Variants in JAZF1 observed in about 807,000 individuals in gnomAD.
JAZF1 encodes juxtaposed with another zinc finger protein 1.
JAZF1 carries 8 observed loss-of-function variants against 26.4 expected under a neutral mutation model. The observed-to-expected ratio is 0.30, with a 90% CI of 0.18 to 0.55. JAZF1 has a LOEUF of 0.55. Among genes scored for constraint, JAZF1 ranks in the 20% least tolerant of loss-of-function variants. The pLI is 0.94. For synonymous variants in JAZF1, 126 were observed against 122.3 expected, an observed-to-expected ratio of 1.03 and a Z score of -0.20; for missense variants, 199 against 322.0, an observed-to-expected ratio of 0.62 and a Z score of 2.92.
chr7:28,139,977 G>A (rs921115382), intron 1 of JAZF1, among the ~76,000 whole-genome samples: 23 of 152,090 alleles, frequency 1.5e-4, no homozygotes, highest in Non-Finnish European at 2.6e-4. Flanking sequence ...GGAAAGAGAC[G>A]GAGGTTGGGG....
intron 2 of JAZF1, among the ~76,000 whole-genome samples, chr7:27,905,938 T>C (rs1465592997): frequency 6.6e-6 from 1 of 152,250 alleles, no homozygotes; most frequent in Admixed American, 6.5e-5. Context: ...ATCATTACTT[T>C]ATACTTGCAT....
At chr7:28,004,765 G>A (rs1366505909) in intron 1 of JAZF1, among the ~76,000 whole-genome samples, 3 of 152,070 alleles carry the variant, frequency 2.0e-5, no homozygotes, top group Non-Finnish European at 4.4e-5. Flanking sequence ...TGATTCTCGT[G>A]CCTTGGTCTC....
intron 1 of JAZF1, among the ~76,000 whole-genome samples, chr7:28,158,168 A>AACACACACACACAC (rs759047365): frequency 7.0e-6 from 1 of 142,488 alleles, no homozygotes. Flanking sequence ...CACACACACA[A>AACACACACACACAC]ACACACACAC....
In JAZF1 at chr7:28,161,171, A is replaced by G. The variant is rs192900930; in HGVS notation, c.115+19292T>C. ...CGAAACAATAATAATATGTAGCACAATTCAGGCATTCAACAAATATTAGCC... is the reference window on the plus strand; with the variant it reads ...CGAAACAATAATAATATGTAGCACAGTTCAGGCATTCAACAAATATTAGCC... On this transcript the variant is annotated intron_variant, in intron 1 of 4. Coordinates refer to ENST00000283928, the MANE Select transcript of JAZF1 (RefSeq NM_175061.4). Among the ~76,000 whole-genome samples, 5 of 151,292 alleles carry G rather than the reference A, an allele frequency of 3.3e-5. No homozygotes were observed. In the Admixed American group the frequency reaches 3.3e-4, roughly 10 times the overall value.
intron 3 of JAZF1, among the ~76,000 whole-genome samples, chr7:27,864,780 C>G (rs996407480): frequency 2.6e-5 from 4 of 152,188 alleles, no homozygotes; most frequent in African/African-American, 9.7e-5. Context: ...CTCAGAGAGA[C>G]ACCTTTCCCC....
At chr7:27,855,148 C>T (rs996869011) in intron 3 of JAZF1, among the ~76,000 whole-genome samples, 4 of 151,906 alleles carry the variant, frequency 2.6e-5, no homozygotes, top group South Asian at 2.1e-4. Context: ...TCTGCTTGAT[C>T]GATTCAGCTA....
At chr7:27,914,879 T>A (rs117800503) in intron 2 of JAZF1, 65 of 470,652 alleles carry the variant, frequency 1.4e-4, no homozygotes, top group Non-Finnish European at 2.8e-4. Flanking sequence ...CTCCCTCTAG[T>A]GTGCTCATAG....
chr7:27,847,511 G>A (rs905405796), intron 3 of JAZF1, among the ~76,000 whole-genome samples: 31 of 152,064 alleles, frequency 2.0e-4, no homozygotes, highest in African/African-American at 7.5e-4. Flanking sequence ...AAACCCAGTT[G>A]TCCCAGCACC....
chr7:27,872,004 T>C (rs1226293493), intron 3 of JAZF1, among the ~76,000 whole-genome samples: 1 of 152,238 alleles, frequency 6.6e-6, no homozygotes, highest in Non-Finnish European at 1.5e-5. Context: ...AGCAAATTGT[T>C]ATAATGTCAC....
intron 2 of JAZF1, among the ~76,000 whole-genome samples, chr7:27,905,565 T>A (rs1784241199): frequency 6.6e-6 from 1 of 151,460 alleles, no homozygotes; most frequent in East Asian, 1.9e-4. Context: ...TATTTTTTAT[T>A]TTTTTTCTTA....
In JAZF1 at chr7:28,156,993, T is replaced by C. The variant is rs939895871; in HGVS notation, c.115+23470A>G. 2.6e-5 allele frequency among the ~76,000 whole-genome samples: 4 copies of C among 152,248 alleles called. No homozygotes were observed. In the South Asian group the frequency reaches 8.3e-4, roughly 31 times the overall value. On this transcript the variant is annotated intron_variant, in intron 1 of 4. Transcript: ENST00000283928. ...GTATAAATAAAGACAGTCTTCAATA[T>C]CCATTAAGATGACCTTCGATATCCT...
Position 27,832,625 on chromosome 7 carries a change from C to T in JAZF1, c.*175G>A. 4.2e-6 allele frequency: 2 copies of T among 474,582 alleles called. No homozygotes were observed. Among genetic ancestry groups the T allele is most frequent in the Non-Finnish European group, 7.2e-6 (2 of 277,348 alleles). 29.4% of individuals were successfully genotyped at this position (474,582 alleles called of 1,614,324 possible). A position where few individuals can be genotyped will look rare whatever the true frequency, so the allele number is the denominator to read the frequency against. On this transcript the variant is annotated 3_prime_UTR_variant, in exon 5 of 5. Transcript: ENST00000283928. ...TATGATGATTACATGTGCAAATGTA[C>T]AAAATCATTAACTCTACAAAGATAC...
intron 2 of JAZF1, among the ~76,000 whole-genome samples, chr7:27,944,718 T>C (rs916012181): frequency 6.6e-6 from 1 of 152,220 alleles, no homozygotes; most frequent in Non-Finnish European, 1.5e-5. Context: ...TCTTGGGTGC[T>C]GCCACTTGCC....
intron 2 of JAZF1, among the ~76,000 whole-genome samples, chr7:27,986,830 A>G (rs1182011484): frequency 2.0e-5 from 3 of 151,892 alleles, no homozygotes; most frequent in Non-Finnish European, 4.4e-5. Context: ...TGGTTTTTGT[A>G]TTTTTTGGTG....
At chr7:27,982,879 CCTGA>C (rs1406115992) in intron 2 of JAZF1, among the ~76,000 whole-genome samples, 3 of 152,174 alleles carry the variant, frequency 2.0e-5, no homozygotes, top group Admixed American at 2.0e-4. Flanking sequence ...AGCTGAGGGT[CCTGA>C]CTATTAGAAG....
At chr7:28,025,956 G>A (rs1202024029) in intron 1 of JAZF1, among the ~76,000 whole-genome samples, 2 of 152,132 alleles carry the variant, frequency 1.3e-5, no homozygotes, top group East Asian at 1.9e-4. Flanking sequence ...TATAAGTAGA[G>A]GATCATATAA....
At chr7:28,112,273 G>A (rs1257511438) in intron 1 of JAZF1, among the ~76,000 whole-genome samples, 2 of 152,174 alleles carry the variant, frequency 1.3e-5, no homozygotes, top group Non-Finnish European at 2.9e-5. Flanking sequence ...ATGGAGGCCA[G>A]TTTCATTAGT....
chr7:28,001,504 G>T (rs1279391625), intron 1 of JAZF1, among the ~76,000 whole-genome samples: 2 of 152,194 alleles, frequency 1.3e-5, no homozygotes, highest in African/African-American at 2.4e-5. Context: ...GGAACTTCTT[G>T]AAAGAAAAAT....
intron 2 of JAZF1, among the ~76,000 whole-genome samples, chr7:27,971,586 T>TA (rs1186501869): frequency 6.6e-6 from 1 of 152,038 alleles, no homozygotes; most frequent in Non-Finnish European, 1.5e-5. Context: ...AATATGAGAG[T>TA]ACTCTACAAA....
Sources: allele counts gnomAD v4.1 joint callset (sites outside exome capture counted in the v4.1 genomes callset), GRCh38; gene constraint gnomAD v4.1.1; transcripts MANE v1.5; gene names NCBI Gene and HGNC (gene_info 2026-07-23, HGNC 2026-07-21).